HIF3A: variants seen among roughly 807,000 people sequenced by gnomAD.
HIF3A encodes hypoxia-inducible factor 3-alpha.
HIF3A carries 41 observed loss-of-function variants against 67.2 expected under a neutral mutation model. The ratio of observed to expected loss-of-function variants is 0.61; its 90% CI spans 0.48 to 0.79. The LOEUF is 0.79. Ranked by LOEUF, HIF3A falls within the 30% of genes least tolerant of loss-of-function variation. HIF3A has a pLI of 0.00. For synonymous variants in HIF3A, 356 were observed against 374.8 expected, an observed-to-expected ratio of 0.95 and a Z score of 0.58; for missense variants, 855 against 898.0, an observed-to-expected ratio of 0.95 and a Z score of 0.61.
intron 7 of HIF3A, 91 bp from the exon 8 acceptor site, chr19:46,312,415 C>G (rs568268910): frequency 1.2e-6 from 2 of 1,606,230 alleles, no homozygotes; most frequent in African/African-American, 1.3e-5. Context: ...GGAACTGTCT[C>G]CTTCCTTGCC....
chr19:46,301,339 A>G (rs983399410), intron 1 of HIF3A, among the ~76,000 whole-genome samples: 1 of 152,126 alleles, frequency 6.6e-6, no homozygotes, highest in African/African-American at 2.4e-5. Flanking sequence ...GAATTTAAGA[A>G]GGGACAGTGT....
chr19:46,329,985 G>A (rs1417682455), intron 12 of HIF3A, among the ~76,000 whole-genome samples: 2 of 139,870 alleles, frequency 1.4e-5, no homozygotes, highest in Non-Finnish European at 3.1e-5. Flanking sequence ...AAGATAGAGA[G>A]AGAGAGAGAG....
intron 10 of HIF3A, among the ~76,000 whole-genome samples, chr19:46,322,246 A>G (rs921219065): frequency 1.3e-5 from 2 of 152,000 alleles, no homozygotes; most frequent in Non-Finnish European, 2.9e-5. Context: ...ACAGAAGAAG[A>G]CTTCTGTGAC....
chr19:46,305,896 G>A (rs917543088), intron 3 of HIF3A, among the ~76,000 whole-genome samples: 3 of 152,130 alleles, frequency 2.0e-5, no homozygotes, highest in Non-Finnish European at 4.4e-5. Flanking sequence ...TGGGCAACAC[G>A]GCAAAACCCT....
intron 3 of HIF3A, among the ~76,000 whole-genome samples, chr19:46,305,760 GA>G (rs200959632): frequency 9.2e-4 from 137 of 149,446 alleles, no homozygotes; most frequent in African/African-American, 3.3e-3. Context: ...AAGAGGTGAG[GA>G]AAAAAAAACA....
At chr19:46,338,682 C>T in intron 14 of HIF3A, 1 of 289,222 alleles carries the variant, frequency 3.5e-6, no homozygotes, top group Non-Finnish European at 5.3e-6. Flanking sequence ...GAGGGAGGTG[C>T]TGTTATTAGC....
chr19:46,331,212 G>A lies in HIF3A; in HGVS notation c.1769G>A (p.Arg590Lys), dbSNP rs1239790074. The A allele has an allele frequency of 6.2e-7, 1 of 1,613,948 alleles. No homozygotes were observed. Among genetic ancestry groups the A allele is most frequent in the Non-Finnish European group, 8.5e-7 (1 of 1,179,994 alleles). ...GAGGGAGTGGAGCTGCTGGGAGTGA[G>A]ACCTCCCAAAAGGTCCCCCAGCCCA... ...EDEGVELLGV[R>K]PPKRSPSPEH... The change falls in exon 13 of 15, where the codon AGA (arginine) becomes AAA (lysine). Residue 590 changes from arginine (R) to lysine (K), a missense_variant. This residue lies in a region of HIF3A where 199 missense variants were observed against 193.8 expected (regional missense o/e 1.03). Transcript: ENST00000377670.
In HIF3A at chr19:46,309,284, T is replaced by C; in HGVS notation, c.695T>C (p.Leu232Pro). 1 of 1,613,616 alleles carries C rather than the reference T, an allele frequency of 6.2e-7. No individual in the cohort carries two copies. Among genetic ancestry groups the C allele is most frequent in the Non-Finnish European group, 8.5e-7 (1 of 1,179,856 alleles). ...GAAGCCATCCCCCACCCAGGCAGCCTGGAGCCCCCACTGGGCCGAGGGGCC... is the reference window on the plus strand; with the variant it reads ...GAAGCCATCCCCCACCCAGGCAGCCCGGAGCCCCCACTGGGCCGAGGGGCC... ...ICEAIPHPGSLEPPLGRGAFL... is the reference protein window; with the variant it reads ...ICEAIPHPGSPEPPLGRGAFL... Residue 232 changes from leucine to proline, a missense_variant, in exon 6 of 15, where the codon CTG (leucine) becomes CCG (proline). Leu to Pro is a moderately conservative substitution (Grantham distance 98, BLOSUM62 -3). Transcript: ENST00000377670.
chr19:46,339,225 T>G (rs537183895), intron 14 of HIF3A, among the ~76,000 whole-genome samples: 2 of 152,154 alleles, frequency 1.3e-5, no homozygotes, highest in South Asian at 4.2e-4. Context: ...ATCAAATGTT[T>G]AGCCAACCGA....
chr19:46,329,794 T>C (rs10421375), intron 12 of HIF3A, among the ~76,000 whole-genome samples: 151,373 of 151,990 alleles, frequency 1, 75,380 homozygotes, highest in Admixed American at 1. Context: ...GACATTGCCG[T>C]GTGTCAGAGA....
At chr19:46,320,679 T>C in intron 9 of HIF3A, 118 bp downstream of exon 9, 1 of 707,742 alleles carries the variant, frequency 1.4e-6, no homozygotes, top group Non-Finnish European at 2.4e-6. Flanking sequence ...CTCCCTTCCC[T>C]GCGCACTCAG....
At position 46,298,511 on chromosome 19, in the gene HIF3A, G is replaced by A. The variant is rs1470856917; in HGVS notation, c.26+1409G>A. ...CCCTTCAGCCAACGGGGGCCTGGGC[G>A]ATGGTGAGTGGGCCCCCAACACCTC... is the stretch of plus-strand genomic sequence containing the variant. On this transcript the variant is annotated intron_variant, in intron 1 of 14. Transcript: ENST00000377670. 9.4e-6 allele frequency: 12 copies of A among 1,276,586 alleles called. No individual in the cohort carries two copies. The African/African-American group carries it at 1.1e-4, about 11-fold the overall frequency. The allele number at this position is 1,276,586 out of a possible 1,614,324, so 79.1% of individuals were successfully genotyped here. A position where few individuals can be genotyped will look rare whatever the true frequency, so the allele number is the denominator to read the frequency against.
In HIF3A at chr19:46,308,230, A is replaced by G; in HGVS notation, c.373A>G (p.Ile125Val). Residue 125 changes from isoleucine (I) to valine (V), a missense_variant, in exon 4 of 15, where the codon ATT (isoleucine) becomes GTT (valine). Ile to Val is a conservative substitution (Grantham distance 29). Transcript: ENST00000377670. Reference sequence around the variant, plus strand: ...CTCTCATCCCTGGCAGCTGGAGCTCATTGGACACAGCATCTTTGATTTCAT... The same window carrying G: ...CTCTCATCCCTGGCAGCTGGAGCTCGTTGGACACAGCATCTTTGATTTCAT... ...KHLGLSQLEL[I>V]GHSIFDFIHP... The G allele has an allele frequency of 6.2e-7, 1 of 1,613,478 alleles. No individual in the cohort carries two copies. The highest frequency in any genetic ancestry group is 8.5e-7 in the Non-Finnish European group (1 of 1,179,502).
In HIF3A at chr19:46,303,949, G is replaced by C. The variant is rs768347653; in HGVS notation, c.78G>C (p.Arg26=). 1.2e-6 allele frequency: 2 copies of C among 1,607,042 alleles called. No homozygotes were observed. Among genetic ancestry groups the C allele is most frequent in the South Asian group, 2.2e-5 (2 of 89,630 alleles). Residue 26 remains arginine, a synonymous_variant, in exon 2 of 15, where the codon CGG becomes CGC. Coordinates refer to ENST00000377670, the MANE Select transcript of HIF3A (RefSeq NM_152795.4). ...KEKSRDAARS[R]RSQETEVLYQ... The stretch of plus-strand genomic sequence containing the variant: ...AGTCCCGGGATGCGGCCCGCAGCCG[G>C]CGCAGCCAGGAGACCGAGGTGCTGT...
Position 46,314,381 on chromosome 19 carries a change from C to CAA in HIF3A, c.1025+1739_1025+1740dup, listed in dbSNP as rs35737547. Among the ~76,000 whole-genome samples, 97 of 122,774 alleles carry CAA rather than the reference C, an allele frequency of 7.9e-4. 5 individuals carry two copies. The highest frequency in any genetic ancestry group is 2.5e-3 in the African/African-American group (86 of 34,964). The allele number at this position is 122,774 out of a possible 152,430, so 80.5% of individuals were successfully genotyped here. A position where few individuals can be genotyped will look rare whatever the true frequency, so the allele number is the denominator to read the frequency against. ...AAAAACAGAAAACCTGAAAACAAAC[C>CAA]AAAAAAAAAAAACAAACACAAAAAT... On this transcript the variant is annotated intron_variant, in intron 8 of 14. Transcript: ENST00000377670.
intron 1 of HIF3A, chr19:46,303,635 C>T (rs888062937): frequency 8.2e-6 from 13 of 1,579,990 alleles, no homozygotes; most frequent in African/African-American, 1.3e-5. Flanking sequence ...GCCCTAGGCG[C>T]GCCACAGAGA....
chr19:46,303,847 T>C (rs750776790), intron 1 of HIF3A, 51 bp from the exon 2 acceptor site: 2 of 1,574,502 alleles, frequency 1.3e-6, no homozygotes, highest in Non-Finnish European at 1.7e-6. Flanking sequence ...CGTCCCGTCC[T>C]CCTTTTCTCT....
intron 11 of HIF3A, among the ~76,000 whole-genome samples, chr19:46,327,907 A>C (rs1970908651): frequency 6.6e-6 from 1 of 152,254 alleles, no homozygotes; most frequent in Middle Eastern, 3.2e-3. Context: ...CCTCAGGGAC[A>C]TGTTGTCCTC....
At chr19:46,326,381 C>G (rs1040272961) in intron 11 of HIF3A, among the ~76,000 whole-genome samples, 1 of 152,198 alleles carries the variant, frequency 6.6e-6, no homozygotes, top group African/African-American at 2.4e-5. Flanking sequence ...ATGGCCTAAT[C>G]TCAGAAGTGA....
Sources: gnomAD v4.1 joint callset for allele counts (sites outside exome capture counted in the v4.1 genomes callset) on GRCh38, gnomAD v4.1.1 for gene constraint, gnomAD v4.1.1 regional missense constraint, MANE v1.5 for transcripts, NCBI Gene and HGNC (gene_info 2026-07-23, HGNC 2026-07-21) for gene names.